Variants in GPC5 observed in about 807,000 individuals in gnomAD.
GPC5 encodes glypican 5.
A neutral mutation model predicts 53.9 loss-of-function variants in GPC5; 47 were observed. That is an observed-to-expected ratio of 0.87 (90% CI 0.69 to 1.11). The LOEUF is 1.11. Among genes scored for constraint, GPC5 ranks in the 50% most tolerant of loss-of-function variants. GPC5 has a pLI of 0.00. For synonymous variants in GPC5, 286 were observed against 263.3 expected (o/e 1.09, Z -0.84); for missense variants, 748 against 713.1 (o/e 1.05, Z -0.56).
At chr13:92,265,846 C>T (rs994888699) in intron 7 of GPC5, among the ~76,000 whole-genome samples, 2 of 152,192 alleles carry the variant, frequency 1.3e-5, no homozygotes, top group Admixed American at 6.5e-5. Context: ...CCAAAACTTA[C>T]TGGCTTATGG....
intron 7 of GPC5, among the ~76,000 whole-genome samples, chr13:92,527,201 GA>G (rs58657651): frequency 0.028 from 690 of 24,320 alleles, 48 homozygotes; most frequent in Middle Eastern, 0.083. Context: ...AAGAAAGAAA[GA>G]AAGAAAGAAA....
intron 7 of GPC5, among the ~76,000 whole-genome samples, chr13:92,696,957 C>T (rs2139242473): frequency 6.6e-6 from 1 of 152,246 alleles, no homozygotes; most frequent in East Asian, 1.9e-4. Context: ...AATAGGGAAT[C>T]CTTTCCCCAT....
At chr13:91,982,166 A>G (rs1380062774) in intron 6 of GPC5, among the ~76,000 whole-genome samples, 1 of 152,224 alleles carries the variant, frequency 6.6e-6, no homozygotes, top group Non-Finnish European at 1.5e-5. Flanking sequence ...AGCCATGGCC[A>G]GAGGCAGAGG....
At chr13:92,805,703 G>T (rs1308463400) in intron 7 of GPC5, among the ~76,000 whole-genome samples, 1 of 151,994 alleles carries the variant, frequency 6.6e-6, no homozygotes, top group Non-Finnish European at 1.5e-5. Flanking sequence ...CTCCCAAAGT[G>T]CTGGGAATAC....
chr13:91,423,206 C>G (rs1265132192), intron 1 of GPC5, among the ~76,000 whole-genome samples: 2 of 152,144 alleles, frequency 1.3e-5, no homozygotes, highest in African/African-American at 2.4e-5. Context: ...CTGAATCAGA[C>G]TTGAAATGGT....
intron 6 of GPC5, among the ~76,000 whole-genome samples, chr13:92,023,071 A>G (rs2040772083): frequency 6.6e-6 from 1 of 152,108 alleles, no homozygotes; most frequent in African/African-American, 2.4e-5. Context: ...AGTGCCTATT[A>G]TAATACCTAA....
chr13:91,709,470 G>A (rs749701158), intron 3 of GPC5, among the ~76,000 whole-genome samples: 1 of 152,024 alleles, frequency 6.6e-6, no homozygotes. Context: ...CATGACTCTT[G>A]TTGGTGTTTT....
At chr13:92,380,985 C>A (rs2043734363) in intron 7 of GPC5, among the ~76,000 whole-genome samples, 1 of 152,096 alleles carries the variant, frequency 6.6e-6, no homozygotes, top group African/African-American at 2.4e-5. Context: ...ATCCCCTTTC[C>A]ATGACCACAT....
At chr13:92,020,146 ATTTC>A (rs1421297279) in intron 6 of GPC5, among the ~76,000 whole-genome samples, 6 of 152,012 alleles carry the variant, frequency 3.9e-5, no homozygotes, top group Non-Finnish European at 8.8e-5. Context: ...TCATAGTCCT[ATTTC>A]TTTCTTTGAC....
chr13:91,466,546 A>G (rs777670517), intron 2 of GPC5, among the ~76,000 whole-genome samples: 1 of 152,172 alleles, frequency 6.6e-6, no homozygotes, highest in Non-Finnish European at 1.5e-5. Context: ...TTAGGATTCC[A>G]GGTCATTTCT....
chr13:92,193,771 AAAT>A, intron 7 of GPC5, among the ~76,000 whole-genome samples: 1 of 152,324 alleles, frequency 6.6e-6, no homozygotes. Flanking sequence ...TTCCTTAATT[AAAT>A]TACATGTACA....
chr13:91,714,385 T>C (rs965498490), intron 3 of GPC5, among the ~76,000 whole-genome samples: 23 of 152,140 alleles, frequency 1.5e-4, no homozygotes, highest in African/African-American at 5.3e-4. Context: ...ACACACACCG[T>C]GGAAGATTAT....
chr13:92,655,330 T>TTTA (rs1236632216), intron 7 of GPC5, among the ~76,000 whole-genome samples: 4 of 130,784 alleles, frequency 3.1e-5, no homozygotes, highest in Non-Finnish European at 5.1e-5. Flanking sequence ...TATTTATTTA[T>TTTA]TTTATTTTTA....
At position 91,707,553 on chromosome 13, in the gene GPC5, C is replaced by T. The variant is rs377532212; in HGVS notation, c.1020+13672C>T. Among the ~76,000 whole-genome samples the T allele has an allele frequency of 2.6e-5, 4 of 152,060 alleles. No individual in the cohort carries two copies. In the East Asian group the frequency reaches 5.8e-4, roughly 22 times the overall value. ...TGAGGATCACATAAGCCTGGGACAT[C>T]CAGGCTGCAGTGAGCCATGATCGCG... On this transcript the variant is annotated intron_variant, in intron 3 of 7. Coordinates refer to ENST00000377067, the MANE Select transcript of GPC5 (RefSeq NM_004466.6).
chr13:92,371,137 G>A (rs1202466741), intron 7 of GPC5, among the ~76,000 whole-genome samples: 3 of 152,276 alleles, frequency 2.0e-5, no homozygotes, highest in South Asian at 4.1e-4. Context: ...GCAACAGAGT[G>A]AGACACCATG....
chr13:91,436,116 G>A (rs547139205), intron 1 of GPC5, among the ~76,000 whole-genome samples: 14 of 152,188 alleles, frequency 9.2e-5, no homozygotes, highest in Admixed American at 8.5e-4. Flanking sequence ...TATCAATTTT[G>A]TTGATCTTTT....
chr13:92,738,435 A>ATTTT lies in GPC5; in HGVS notation c.1562-127846_1562-127843dup, dbSNP rs548570127. 2.9e-4 allele frequency among the ~76,000 whole-genome samples: 44 copies of ATTTT among 152,154 alleles called. 1 individual carries two copies. The East Asian group carries it at 8.3e-3, about 29-fold the overall frequency. On this transcript the variant is annotated intron_variant, in intron 7 of 7. Transcript: ENST00000377067. ...TTTTTGAATGTTTTTAAAATGTAAT[A>ATTTT]TTTTCTTTGACTTCAGACACTATTT...
At chr13:92,733,881 T>C (rs1286064121) in intron 7 of GPC5, among the ~76,000 whole-genome samples, 1 of 151,826 alleles carries the variant, frequency 6.6e-6, no homozygotes, top group Non-Finnish European at 1.5e-5. Context: ...ATGCATTTTT[T>C]TAACTTTGCT....
At chr13:92,666,354 G>A (rs1448517399) in intron 7 of GPC5, among the ~76,000 whole-genome samples, 1 of 152,040 alleles carries the variant, frequency 6.6e-6, no homozygotes, top group Non-Finnish European at 1.5e-5. Context: ...AGATTGCTAA[G>A]TTAAGAAACT....
Sources: allele counts gnomAD v4.1 joint callset (sites outside exome capture counted in the v4.1 genomes callset), GRCh38; gene constraint gnomAD v4.1.1; transcripts MANE v1.5; gene names NCBI Gene and HGNC (gene_info 2026-07-23, HGNC 2026-07-21).